ATAD3A: variants seen among roughly 807,000 people sequenced by gnomAD.
The protein encoded by ATAD3A is ATPase family AAA domain containing 3A, also known as ATPase family AAA domain-containing protein 3A.
A neutral mutation model predicts 73.8 loss-of-function variants in ATAD3A; 46 were observed. The observed-to-expected ratio is 0.62, with a 90% CI of 0.49 to 0.80. The LOEUF is 0.80. ATAD3A is among the 30% of genes least tolerant of loss of function. ATAD3A has a pLI of 0.00. For synonymous variants in ATAD3A, 319 were observed against 350.0 expected (o/e 0.91, Z 0.99); for missense variants, 705 against 838.0 (o/e 0.84, Z 1.96).
intron 12 of ATAD3A, among the ~76,000 whole-genome samples, chr1:1,526,184 C>T (rs565848304): frequency 1.3e-5 from 2 of 152,206 alleles, no homozygotes; most frequent in South Asian, 4.1e-4. Flanking sequence ...CCACGCCTGG[C>T]TAATTTTTGT....
chr1:1,527,172 T>A (rs566025980), intron 13 of ATAD3A: 1 of 1,302,632 alleles, frequency 7.7e-7, no homozygotes, highest in South Asian at 1.2e-5. Context: ...CCCAGTCACG[T>A]GTCACACGGA....
chr1:1,520,245 A>C lies in ATAD3A; in HGVS notation c.619A>C (p.Ile207Leu). Residue 207 changes from isoleucine to leucine, a missense_variant, in exon 6 of 16, where the codon ATC (isoleucine) becomes CTC (leucine). Coordinates refer to ENST00000378756, the MANE Select transcript of ATAD3A (RefSeq NM_001170535.3). This position sits in a 1 kb window ranked among gnomAD's most constrained non-coding sequence, Gnocchi z 4.0. ...AKAERENADI[I>L]REQIRLKAAE... Reference sequence around the variant, plus strand: ...GGCCGAGCGGGAGAATGCAGACATCATCCGCGAGCAGATCCGCCTGAAGGC... The same window carrying C: ...GGCCGAGCGGGAGAATGCAGACATCCTCCGCGAGCAGATCCGCCTGAAGGC... 1.2e-6 allele frequency: 2 copies of C among 1,612,774 alleles called. No individual in the cohort carries two copies. The highest frequency in any genetic ancestry group is 1.7e-6 in the Non-Finnish European group (2 of 1,179,640).
Position 1,520,057 on chromosome 1 carries a change from C to T in ATAD3A, c.515-84C>T, listed in dbSNP as rs367757156. On this transcript the variant is annotated intron_variant, in intron 5 of 15. Transcript: ENST00000378756. The surrounding 1 kb of genome is among the most constrained non-coding windows in gnomAD (Gnocchi z 4.0). ...GGTCTGTCCGTGGCGTGGGCCGGTC[C>T]GTGGCGTGGGCCGGTCCACAGTGTG... 1.3e-4 allele frequency: 202 copies of T among 1,533,856 alleles called. 1 individual carries two copies. The highest frequency in any genetic ancestry group is 1.4e-4 in the Non-Finnish European group (161 of 1,138,734).
intron 7 of ATAD3A, 110 bp from the exon 8 acceptor site, chr1:1,522,634 C>G: frequency 6.4e-7 from 1 of 1,557,684 alleles, no homozygotes; most frequent in Non-Finnish European, 8.7e-7. Context: ...GTGCACGGCC[C>G]TGTGCTTCTC....
chr1:1,514,440 G>C (rs1479979601), intron 1 of ATAD3A, among the ~76,000 whole-genome samples: 1 of 152,222 alleles, frequency 6.6e-6, no homozygotes, highest in African/African-American at 2.4e-5. Context: ...GAGCTTAGCA[G>C]CCAAACCCGT....
Position 1,520,451 on chromosome 1 carries a change from G to A in ATAD3A, c.681-97G>A. 1 of 1,606,982 alleles carries A rather than the reference G, an allele frequency of 6.2e-7. No homozygotes were observed. Among genetic ancestry groups the A allele is most frequent in the Non-Finnish European group, 8.5e-7 (1 of 1,175,012 alleles). The stretch of plus-strand genomic sequence containing the variant: ...GGCACTGCCCCTCTGTCCTGGCAAG[G>A]CCGTGCCGCCATGTCAGGGCCTCAC... On this transcript the variant is annotated intron_variant, in intron 6 of 15. Transcript: ENST00000378756. This position sits in a 1 kb window ranked among gnomAD's most constrained non-coding sequence, Gnocchi z 4.0.
chr1:1,527,207 T>G, intron 13 of ATAD3A: 1 of 1,302,686 alleles, frequency 7.7e-7, no homozygotes, highest in Non-Finnish European at 1.0e-6. Context: ...TGGTCGGCCG[T>G]GGCTGACTCC....
intron 1 of ATAD3A, among the ~76,000 whole-genome samples, chr1:1,515,290 C>T (rs372041811): frequency 2.6e-5 from 4 of 152,116 alleles, no homozygotes; most frequent in South Asian, 4.2e-4. Context: ...TTGGTCAGGC[C>T]GGTCTCTAAC....
chr1:1,523,949 G>A lies in ATAD3A; in HGVS notation c.1074G>A (p.Lys358=), dbSNP rs757994000. The A allele has an allele frequency of 3.1e-6, 5 of 1,613,978 alleles. No homozygotes were observed. The highest frequency in any genetic ancestry group is 2.2e-5 in the South Asian group (2 of 91,090). Residue 358 remains lysine, a synonymous_variant, in exon 10 of 16, where the codon AAG becomes AAA. Coordinates refer to ENST00000378756, the MANE Select transcript of ATAD3A (RefSeq NM_001170535.3). The surrounding 1 kb of genome is among the most constrained non-coding windows in gnomAD (Gnocchi z 5.1). ...ILMYGPPGTG[K]TLFAKKLALH... ...TGTACGGGCCACCAGGCACCGGGAAGACGCTGTTTGCCAAGGTGAGAGCGC... is the reference window on the plus strand; with the variant it reads ...TGTACGGGCCACCAGGCACCGGGAAAACGCTGTTTGCCAAGGTGAGAGCGC...
At chr1:1,515,323 C>T (rs367848713) in intron 1 of ATAD3A, among the ~76,000 whole-genome samples, 19 of 152,180 alleles carry the variant, frequency 1.2e-4, no homozygotes, top group South Asian at 2.1e-4. Context: ...GTGATCCACC[C>T]GTCTCAGCCT....
chr1:1,522,942 T>G, intron 8 of ATAD3A, 43 bp downstream of exon 8: 2 of 1,596,516 alleles, frequency 1.3e-6, no homozygotes, highest in Non-Finnish European at 1.7e-6. Context: ...AGTTCCTGGC[T>G]GAGTCCCTTC....
chr1:1,526,770 G>A (rs960855865), intron 13 of ATAD3A, among the ~76,000 whole-genome samples: 3 of 152,248 alleles, frequency 2.0e-5, no homozygotes, highest in African/African-American at 7.2e-5. Context: ...TCACGGCCCT[G>A]TGCGCCGCCG....
intron 4 of ATAD3A, among the ~76,000 whole-genome samples, chr1:1,518,088 C>G (rs952927849): frequency 6.6e-6 from 1 of 151,496 alleles, no homozygotes; most frequent in African/African-American, 2.4e-5. Context: ...CACCCCTGCA[C>G]ACACGGGCCC....
At chr1:1,532,570 C>T (rs2767465) in intron 15 of ATAD3A, among the ~76,000 whole-genome samples, 43 of 152,274 alleles carry the variant, frequency 2.8e-4, no homozygotes, top group South Asian at 8.3e-4. Context: ...CCACCCAGGA[C>T]GCCACGTGAC....
chr1:1,526,763 C>T (rs970024595), intron 13 of ATAD3A, among the ~76,000 whole-genome samples: 2 of 152,258 alleles, frequency 1.3e-5, no homozygotes, highest in Non-Finnish European at 2.9e-5. Flanking sequence ...CCTGTCCTCA[C>T]GGCCCTGTGC....
chr1:1,534,154 A>T lies in ATAD3A; in HGVS notation c.*82A>T. ...CCTTGCCGGCCCCTGCACATTTAGG[A>T]TATGCTCCTGGGTGGGGACTGGGCT... On this transcript the variant is annotated 3_prime_UTR_variant, in exon 16 of 16. Transcript: ENST00000378756. The T allele has an allele frequency of 2.5e-6, 4 of 1,604,064 alleles. No homozygotes were observed. The highest frequency in any genetic ancestry group is 2.7e-5 in the African/African-American group (2 of 74,230).
chr1:1,530,308 T>TAGTC (rs202104317), intron 15 of ATAD3A, among the ~76,000 whole-genome samples: 3,808 of 152,180 alleles, frequency 0.025, 145 homozygotes, highest in African/African-American at 0.086. Context: ...GAGGCCAAGT[T>TAGTC]AGATTATTTG....
chr1:1,519,097 G>A (rs539796261), intron 5 of ATAD3A, 107 bp downstream of exon 5: 1 of 1,596,106 alleles, frequency 6.3e-7, no homozygotes, highest in Non-Finnish European at 8.6e-7. Flanking sequence ...ATAGCTACCA[G>A]TGCAGTGGGC....
chr1:1,524,032 G>C, intron 10 of ATAD3A, 68 bp downstream of exon 10: 1 of 1,609,562 alleles, frequency 6.2e-7, no homozygotes, highest in South Asian at 1.1e-5. Context: ...AGGTGTCTGG[G>C]GGGCTCAGCT....
Sources: allele counts gnomAD v4.1 joint callset (sites outside exome capture counted in the v4.1 genomes callset), GRCh38; gene constraint gnomAD v4.1.1; non-coding constraint Gnocchi (gnomAD v3.1); transcripts MANE v1.5; gene names NCBI Gene and HGNC (gene_info 2026-07-23, HGNC 2026-07-21).